The following CTNNA2 variants were observed in gnomAD, a reference collection of about 807,000 sequenced individuals.
CTNNA2 encodes the protein catenin alpha-2.
In CTNNA2, 42 loss-of-function variants were observed where a neutral mutation model predicts 101.0. The ratio of observed to expected loss-of-function variants is 0.42; its 90% CI spans 0.32 to 0.54. The LOEUF is 0.54. Among genes scored for constraint, CTNNA2 ranks in the 20% least tolerant of loss-of-function variants. The pLI is 0.14. For synonymous variants in CTNNA2, 450 were observed against 456.4 expected (o/e 0.99, Z 0.18); for missense variants, 871 against 1,223.1 (o/e 0.71, Z 4.29).
At chr2:79,770,924 A>G (rs191371438) in intron 3 of CTNNA2, among the ~76,000 whole-genome samples, 168 of 152,344 alleles carry the variant, frequency 1.1e-3, no homozygotes, top group African/African-American at 3.9e-3. Flanking sequence ...AGATGAAGAA[A>G]TTATTGCAGA....
chr2:79,841,171 T>G (rs566990656), intron 3 of CTNNA2, among the ~76,000 whole-genome samples: 1 of 152,268 alleles, frequency 6.6e-6, no homozygotes, highest in African/African-American at 2.4e-5. Context: ...ATCAACTCAC[T>G]GCAACATCTG....
At chr2:80,633,582 G>A (rs1426392149) in intron 18 of CTNNA2, among the ~76,000 whole-genome samples, 1 of 152,168 alleles carries the variant, frequency 6.6e-6, no homozygotes, top group Non-Finnish European at 1.5e-5. Flanking sequence ...CTTAGGGCAG[G>A]AAAAGCCTAT....
intron 7 of CTNNA2, among the ~76,000 whole-genome samples, chr2:80,181,578 A>G (rs1370455810): frequency 6.6e-6 from 1 of 152,180 alleles, no homozygotes; most frequent in Non-Finnish European, 1.5e-5. Context: ...TACAGGAGAT[A>G]AGACTCAGGG....
At chr2:79,852,376 GA>G (rs1680789204) in intron 3 of CTNNA2, among the ~76,000 whole-genome samples, 1 of 152,014 alleles carries the variant, frequency 6.6e-6, no homozygotes, top group African/African-American at 2.4e-5. Flanking sequence ...GAAGGTATAG[GA>G]AATACATTGC....
chr2:80,084,313 G>A (rs770193090), intron 7 of CTNNA2, among the ~76,000 whole-genome samples: 30 of 152,284 alleles, frequency 2.0e-4, no homozygotes, highest in Non-Finnish European at 4.1e-4. Flanking sequence ...TGACATTTCT[G>A]ATAGATGTCC....
At chr2:79,356,112 A>G (rs544058834) in intron 3 of CTNNA2, among the ~76,000 whole-genome samples, 38 of 151,530 alleles carry the variant, frequency 2.5e-4, no homozygotes, top group African/African-American at 8.9e-4. Flanking sequence ...AATTATAAAG[A>G]AAAAGTATAT....
Position 79,954,089 on chromosome 2 carries a change from G to T in CTNNA2, c.1056+44292G>T, listed in dbSNP as rs1689060963. Among the ~76,000 whole-genome samples the T allele has an allele frequency of 9.9e-5, 15 of 152,108 alleles. 1 individual carries two copies. The highest frequency in any genetic ancestry group is 9.8e-4 in the Admixed American group (15 of 15,262). ...CTTACAATCATGGTGGAAGGCCAAG[G>T]GGAAGCAAGGCACCTCCTTCACAGG... On this transcript the variant is annotated intron_variant, in intron 7 of 18. Coordinates refer to ENST00000402739, the MANE Select transcript of CTNNA2 (RefSeq NM_001282597.3).
At chr2:80,243,454 C>T (rs1198784156) in intron 7 of CTNNA2, among the ~76,000 whole-genome samples, 1 of 152,036 alleles carries the variant, frequency 6.6e-6, no homozygotes, top group Admixed American at 6.5e-5. Context: ...CAGGCAACGA[C>T]TGATCTGTTT....
At chr2:79,382,738 C>T (rs1372207522) in intron 4 of CTNNA2, among the ~76,000 whole-genome samples, 4 of 152,264 alleles carry the variant, frequency 2.6e-5, no homozygotes, top group South Asian at 2.1e-4. Context: ...CTCAGCCTCC[C>T]GAGTAGCTGG....
At chr2:79,216,843 G>T (rs1674268120) in intron 2 of CTNNA2, among the ~76,000 whole-genome samples, 1 of 152,116 alleles carries the variant, frequency 6.6e-6, no homozygotes, top group Non-Finnish European at 1.5e-5. Context: ...CCCCAGAACT[G>T]CAGTACTTGC....
chr2:79,489,037 C>T (rs1441290310), intron 4 of CTNNA2, among the ~76,000 whole-genome samples: 1 of 152,176 alleles, frequency 6.6e-6, no homozygotes, highest in Non-Finnish European at 1.5e-5. Flanking sequence ...TCCCCATTCT[C>T]TCCTTTATCG....
At chr2:79,655,533 T>C (rs1174239465) in intron 2 of CTNNA2, among the ~76,000 whole-genome samples, 1 of 152,146 alleles carries the variant, frequency 6.6e-6, no homozygotes, top group Non-Finnish European at 1.5e-5. Context: ...AGATTATAAT[T>C]AAAAATTCTT....
At chr2:80,094,296 G>A (rs1315411137) in intron 7 of CTNNA2, among the ~76,000 whole-genome samples, 1 of 152,024 alleles carries the variant, frequency 6.6e-6, no homozygotes, top group Admixed American at 6.5e-5. Context: ...TCTCAGGTTT[G>A]TCAAAGATCA....
rs527992533 is a variant in CTNNA2 at position 80,518,804 on chromosome 2, T to A, written c.1291-26178T>A. Among the ~76,000 whole-genome samples, 15 of 152,276 alleles carry A rather than the reference T, an allele frequency of 9.9e-5. No homozygotes were observed. The East Asian group carries it at 1.7e-3, about 18-fold the overall frequency. On this transcript the variant is annotated intron_variant, in intron 9 of 18. Coordinates refer to ENST00000402739, the MANE Select transcript of CTNNA2 (RefSeq NM_001282597.3). ...GCTTCTTTTTGTTAAAAATATTTTT[T>A]AAAAAACTCTATAGCCCATTATTTG...
chr2:79,560,285 A>G (rs1674695730), intron 1 of CTNNA2, among the ~76,000 whole-genome samples: 1 of 150,712 alleles, frequency 6.6e-6, no homozygotes, highest in African/African-American at 2.5e-5. Flanking sequence ...AAAAAGATGA[A>G]TTACAAGGCA....
upstream of CTNNA2, among the ~76,000 whole-genome samples, chr2:79,509,851 G>A (rs972277006): frequency 7.2e-5 from 11 of 152,082 alleles, no homozygotes; most frequent in East Asian, 3.9e-4. Flanking sequence ...TGTGGGGGCC[G>A]GAGGTATATG....
chr2:79,609,104 T>C (rs560532468), intron 1 of CTNNA2, among the ~76,000 whole-genome samples: 2 of 152,046 alleles, frequency 1.3e-5, no homozygotes, highest in East Asian at 3.9e-4. Flanking sequence ...TCAAAACATA[T>C]GAGTTACTTA....
chr2:79,623,114 C>A (rs1460860971), intron 1 of CTNNA2, among the ~76,000 whole-genome samples: 1 of 152,130 alleles, frequency 6.6e-6, no homozygotes. Flanking sequence ...GTTCATGAAT[C>A]ATAGTCTATC....
At chr2:79,817,989 C>T (rs1021755406) in intron 3 of CTNNA2, among the ~76,000 whole-genome samples, 1 of 152,164 alleles carries the variant, frequency 6.6e-6, no homozygotes, top group African/African-American at 2.4e-5. Context: ...TACCATTTCG[C>T]ATATTGGGCT....
Sources: gnomAD v4.1 joint callset for allele counts (sites outside exome capture counted in the v4.1 genomes callset) on GRCh38, gnomAD v4.1.1 for gene constraint, MANE v1.5 for transcripts, NCBI Gene and HGNC (gene_info 2026-07-23, HGNC 2026-07-21) for gene names.